Variants in PTPRS observed in about 807,000 individuals in gnomAD.
The protein encoded by PTPRS is protein tyrosine phosphatase receptor type S, also known as receptor-type tyrosine-protein phosphatase S.
Under a neutral mutation model 215.3 loss-of-function variants are expected in PTPRS, and 63 were observed. The observed-to-expected ratio is 0.29, with a 90% CI of 0.24 to 0.36. PTPRS has a LOEUF of 0.36. Among genes scored for constraint, PTPRS ranks in the 10% least tolerant of loss-of-function variants. The probability of loss-of-function intolerance (pLI) is 1.00; values close to 1 mark genes in which losing one functional copy is unlikely to be tolerated. For synonymous variants in PTPRS, 1,404 were observed against 1,191.4 expected, an observed-to-expected ratio of 1.18 and a Z score of -3.68; for missense variants, 2,258 against 2,825.8, an observed-to-expected ratio of 0.80 and a Z score of 4.56.
Position 5,229,598 on chromosome 19 carries a change from G to C in PTPRS, c.2242C>G (p.Arg748Gly). Residue 748 changes from arginine to glycine, a missense_variant, in exon 15 of 38, where the codon CGG becomes GGG. Physicochemically the swap from Arg to Gly is moderately radical, Grantham distance 125. This residue lies in a region of PTPRS where 371 missense variants were observed against 446.7 expected (regional missense o/e 0.83). Coordinates refer to ENST00000262963, the MANE Select transcript of PTPRS (RefSeq NM_002850.4). Reference protein sequence around the residue: ...RVLWRSPAPGRQHGQIRGYQV... With the variant: ...RVLWRSPAPGGQHGQIRGYQV... Reference sequence around the variant, plus strand: ...TAGCCGCGGATCTGGCCGTGCTGCCGGCCGGGCGCGGGCGAGCGCCACAGC... The same window carrying C: ...TAGCCGCGGATCTGGCCGTGCTGCCCGCCGGGCGCGGGCGAGCGCCACAGC... 1 of 1,428,726 alleles carries C rather than the reference G, an allele frequency of 7.0e-7. No homozygotes were observed. Among genetic ancestry groups the C allele is most frequent in the Non-Finnish European group, 9.2e-7 (1 of 1,091,796 alleles). The allele number at this position is 1,428,726 out of a possible 1,614,324, so 88.5% of individuals were successfully genotyped here.
intron 17 of PTPRS, 120 bp from the exon 18 acceptor site, chr19:5,223,417 G>GC: frequency 8.2e-7 from 1 of 1,216,904 alleles, no homozygotes; most frequent in Non-Finnish European, 1.1e-6. Context: ...GTTGGGGGGG[G>GC]TCTTACTCTG....
At chr19:5,334,696 C>T (rs2050437170) in intron 1 of PTPRS, among the ~76,000 whole-genome samples, 1 of 152,230 alleles carries the variant, frequency 6.6e-6, no homozygotes, top group Non-Finnish European at 1.5e-5. Context: ...ACAAACATCC[C>T]TGACAATCGG....
At chr19:5,239,462 G>A (rs897812462) in intron 12 of PTPRS, among the ~76,000 whole-genome samples, 3 of 151,638 alleles carry the variant, frequency 2.0e-5, no homozygotes, top group Admixed American at 2.0e-4. Flanking sequence ...ATAAATGGGA[G>A]AGACAGAGAC....
rs531845753 is a variant in PTPRS, at chr19:5,293,907, C to G, written c.-94-7673G>C. ...ACAGATGGGGCCGCCGTGCCAGGCCCGCGACACCGGAGCAGAGGGAGAGGA... is the reference window on the plus strand; with the variant it reads ...ACAGATGGGGCCGCCGTGCCAGGCCGGCGACACCGGAGCAGAGGGAGAGGA... On this transcript the variant is annotated intron_variant, in intron 1 of 37. Coordinates refer to ENST00000262963, the MANE Select transcript of PTPRS (RefSeq NM_002850.4). This position sits in a 1 kb window ranked among gnomAD's most constrained non-coding sequence, Gnocchi z 8.4. 6.6e-6 allele frequency among the ~76,000 whole-genome samples: 1 copy of G among 152,164 alleles called. No homozygotes were observed. The highest frequency in any genetic ancestry group is 6.5e-5 in the Admixed American group (1 of 15,282).
At chr19:5,313,164 G>T (rs553680357) in intron 1 of PTPRS, among the ~76,000 whole-genome samples, 69 of 152,174 alleles carry the variant, frequency 4.5e-4, no homozygotes, top group Non-Finnish European at 7.5e-4. Flanking sequence ...TGATCCGCCC[G>T]ACTCAGCCTC....
chr19:5,320,403 GC>G (rs2147212097), intron 1 of PTPRS, among the ~76,000 whole-genome samples: 1 of 152,336 alleles, frequency 6.6e-6, no homozygotes, highest in South Asian at 2.1e-4. Context: ...GTAGGGACAA[GC>G]CTGATAAACA....
At chr19:5,226,573 A>C (rs1213464713) in intron 16 of PTPRS, among the ~76,000 whole-genome samples, 1 of 148,152 alleles carries the variant, frequency 6.7e-6, no homozygotes, top group African/African-American at 2.5e-5. Context: ...TCTACTAAAA[A>C]TACCAAAAAA....
rs367724567 is a variant in PTPRS, at chr19:5,214,499, C to T, written c.4495-19G>A. The T allele has an allele frequency of 4.8e-5, 78 of 1,613,748 alleles. No homozygotes were observed. The highest frequency in any genetic ancestry group is 4.5e-4 in the East Asian group (20 of 44,868). On this transcript the variant is annotated intron_variant, in intron 29 of 37. Coordinates refer to ENST00000262963, the MANE Select transcript of PTPRS (RefSeq NM_002850.4). ...ACTTGATCTGTATCGGGCAAGAGAACAGGTGTCAGCAGGGACAGGCTGACT... is the reference window on the plus strand; with the variant it reads ...ACTTGATCTGTATCGGGCAAGAGAATAGGTGTCAGCAGGGACAGGCTGACT...
intron 16 of PTPRS, 57 bp downstream of exon 16, chr19:5,229,259 C>A: frequency 7.4e-7 from 1 of 1,358,548 alleles, no homozygotes; most frequent in Non-Finnish European, 9.5e-7. Flanking sequence ...AGTCACAGCA[C>A]AGCACGGCCC....
In PTPRS at chr19:5,218,784, T is replaced by C; in HGVS notation, c.3935+3A>G. On this transcript the variant is annotated splice_donor_region_variant and intron_variant, in intron 24 of 37. Transcript: ENST00000262963. ...GCCTCCACGGGGGAGGGCTGGTTCT[T>C]ACCTGTCGGGTTTGCTGTTCCCGAA... is the stretch of plus-strand genomic sequence containing the variant. 6.2e-7 allele frequency: 1 copy of C among 1,610,078 alleles called. No individual in the cohort carries two copies. Among genetic ancestry groups the C allele is most frequent in the Non-Finnish European group, 8.5e-7 (1 of 1,178,612 alleles).
In PTPRS at chr19:5,208,370, G is replaced by T. The variant is rs1161731225; in HGVS notation, c.5509C>A (p.Arg1837=). ...GGCCAGTCTGTGAACTGGAACTGCCGGACAGTCCGGGACTGGCCATCCTAG... is the reference window on the plus strand; with the variant it reads ...GGCCAGTCTGTGAACTGGAACTGCCTGACAGTCCGGGACTGGCCATCCTAG... The part of the protein sequence containing the change: ...DARDGQSRTV[R]QFQFTDWPEQ... The change falls in exon 36 of 38, where the codon CGG becomes AGG. Residue 1837 remains arginine (R), a synonymous_variant. Transcript: ENST00000262963. 57 of 1,602,790 alleles carry T rather than the reference G, an allele frequency of 3.6e-5. No homozygotes were observed. The highest frequency in any genetic ancestry group is 4.7e-5 in the Non-Finnish European group (55 of 1,174,132).
intron 1 of PTPRS, among the ~76,000 whole-genome samples, chr19:5,332,492 GC>G (rs2050359474): frequency 1.3e-5 from 2 of 152,144 alleles, no homozygotes; most frequent in South Asian, 4.1e-4. Flanking sequence ...AACAGATCTG[GC>G]CCTGGAGCCA....
chr19:5,223,120 G>T lies in PTPRS; in HGVS notation c.2672C>A (p.Thr891Lys). The T allele has an allele frequency of 6.4e-7, 1 of 1,568,144 alleles. No individual in the cohort carries two copies. Among genetic ancestry groups the T allele is most frequent in the South Asian group, 1.2e-5 (1 of 85,528 alleles). The change falls in exon 18 of 38, where the codon ACG (threonine) becomes AAG (lysine). Residue 891 changes from threonine (T) to lysine (K), a missense_variant. Thr to Lys is a moderately conservative substitution (Grantham distance 78). Transcript: ENST00000262963. Reference sequence around the variant, plus strand: ...GGCCCCCTTGTGCACGCCTGATGCCGTGTAGCGGTCCTCGGAGGGCGGGAA... The same window carrying T: ...GGCCCCCTTGTGCACGCCTGATGCCTTGTAGCGGTCCTCGGAGGGCGGGAA... ...LEFPPSEDRYTASGVHKGATY... is the reference protein window; with the variant it reads ...LEFPPSEDRYKASGVHKGATY...
intron 9 of PTPRS, among the ~76,000 whole-genome samples, chr19:5,247,991 G>C (rs1261000393): frequency 6.7e-6 from 1 of 150,044 alleles, no homozygotes; most frequent in Non-Finnish European, 1.5e-5. Flanking sequence ...GAGACAGAAG[G>C]GCCATGCACA....
intron 1 of PTPRS, among the ~76,000 whole-genome samples, chr19:5,296,717 GGGGAGGGGA>G (rs1001152623): frequency 1.3e-5 from 2 of 150,712 alleles, no homozygotes; most frequent in South Asian, 2.1e-4. Flanking sequence ...ACAAAGAGGA[GGGGAGGGGA>G]GGGAGGGGAG....
At chr19:5,215,191 A>G in intron 28 of PTPRS, 98 bp downstream of exon 28, 3 of 1,515,202 alleles carry the variant, frequency 2.0e-6, no homozygotes, top group Non-Finnish European at 2.7e-6. Flanking sequence ...CAGGTCTATG[A>G]CCAGAATCAG....
intron 30 of PTPRS, among the ~76,000 whole-genome samples, chr19:5,212,933 T>C (rs999812105): frequency 1.3e-5 from 2 of 151,696 alleles, no homozygotes; most frequent in Non-Finnish European, 2.9e-5. Flanking sequence ...GGTTTCCAAG[T>C]AGAGTCTTGC....
chr19:5,236,875 A>G (rs902711945), intron 13 of PTPRS, among the ~76,000 whole-genome samples: 1 of 151,382 alleles, frequency 6.6e-6, no homozygotes, highest in Non-Finnish European at 1.5e-5. Context: ...ACAACAATCA[A>G]GGAATGTGTC....
rs2041925337 is a variant in PTPRS at position 5,220,931 on chromosome 19, TG to T, written c.3455+68del. ...GAAATTGAGGCACAGAGAGGGCACG[TG>T]GCTTGCCCCAGCCATATAGTAGGCT... is the stretch of plus-strand genomic sequence containing the variant. On this transcript the variant is annotated intron_variant, in intron 20 of 37. Transcript: ENST00000262963. 6 of 1,522,294 alleles carry T rather than the reference TG, an allele frequency of 3.9e-6. No homozygotes were observed. The South Asian group carries it at 7.6e-5, about 19-fold the overall frequency. 94.3% of individuals were successfully genotyped at this position (1,522,294 alleles called of 1,614,324 possible). A position where few individuals can be genotyped will look rare whatever the true frequency, so the allele number is the denominator to read the frequency against.
Sources: gnomAD v4.1 joint callset for allele counts (sites outside exome capture counted in the v4.1 genomes callset) on GRCh38, gnomAD v4.1.1 for gene constraint, gnomAD v4.1.1 regional missense constraint, Gnocchi (gnomAD v3.1) non-coding constraint, MANE v1.5 for transcripts, NCBI Gene and HGNC (gene_info 2026-07-23, HGNC 2026-07-21) for gene names.